The following CACNA1C variants were observed in gnomAD, a reference collection of about 807,000 sequenced individuals.
CACNA1C encodes the protein calcium voltage-gated channel subunit alpha1 C.
A neutral mutation model predicts 229.0 loss-of-function variants in CACNA1C; 30 were observed. The observed-to-expected ratio is 0.13, with a 90% CI of 0.10 to 0.18. The LOEUF (loss-of-function observed/expected upper bound fraction) is 0.18. Ranked by LOEUF, CACNA1C falls within the 10% of genes least tolerant of loss-of-function variation. The pLI is 1.00. For missense variants in CACNA1C, 1,658 were observed against 2,845.0 expected (o/e 0.58, Z 9.49); for synonymous variants, 1,114 against 1,132.5 (o/e 0.98, Z 0.33).
At chr12:2,514,922 A>G (rs1298221703) in intron 9 of CACNA1C, among the ~76,000 whole-genome samples, 2 of 152,242 alleles carry the variant, frequency 1.3e-5, no homozygotes, top group South Asian at 4.1e-4. Flanking sequence ...GACAAGGCCC[A>G]TCTACCCAAA....
At chr12:1,995,706 T>C (rs1310750015) in intron 1 of CACNA1C, among the ~76,000 whole-genome samples, 1 of 152,260 alleles carries the variant, frequency 6.6e-6, no homozygotes, top group Non-Finnish European at 1.5e-5. Context: ...CTCTGTGCTG[T>C]TCTAGTCCTG....
intron 3 of CACNA1C, among the ~76,000 whole-genome samples, chr12:2,148,369 G>C (rs751478293): frequency 2.0e-5 from 3 of 151,370 alleles, no homozygotes; most frequent in Non-Finnish European, 4.4e-5. Context: ...ATGGCTCAAA[G>C]ATTGCAGATG....
intron 3 of CACNA1C, among the ~76,000 whole-genome samples, chr12:2,350,402 C>T (rs964417943): frequency 2.0e-5 from 3 of 149,922 alleles, no homozygotes; most frequent in African/African-American, 7.3e-5. Context: ...AGGTAGTAAA[C>T]AGTCATATAA....
In CACNA1C at chr12:2,599,565, C is replaced by T. The variant is rs151156434; in HGVS notation, c.2853+2276C>T. Among the ~76,000 whole-genome samples, 349 of 152,244 alleles carry T rather than the reference C, an allele frequency of 2.3e-3. 6 individuals are homozygous for T. Among genetic ancestry groups the T allele is most frequent in the East Asian group, 0.022 (112 of 5,174 alleles). On this transcript the variant is annotated intron_variant, in intron 21 of 46. Transcript: ENST00000399655. ...GCTGCCTGGAGAGGCAGGGATGGCC[C>T]GTGGTTGAACAGAGAGCTTTCCTAC...
chr12:2,069,775 T>C (rs2154522873), intron 1 of CACNA1C, among the ~76,000 whole-genome samples: 1 of 152,334 alleles, frequency 6.6e-6, no homozygotes, highest in South Asian at 2.1e-4. Flanking sequence ...TACTATTGGC[T>C]GCATTGGGAC....
chr12:2,482,486 A>G (rs1430602668), intron 5 of CACNA1C, among the ~76,000 whole-genome samples: 1 of 152,202 alleles, frequency 6.6e-6, no homozygotes, highest in Non-Finnish European at 1.5e-5. Flanking sequence ...CATCAGAAAC[A>G]TATGGTTACA....
chr12:2,297,381 G>A (rs965093419), intron 3 of CACNA1C, among the ~76,000 whole-genome samples: 8 of 152,238 alleles, frequency 5.3e-5, no homozygotes, highest in African/African-American at 1.9e-4. Flanking sequence ...ACCATTGGCA[G>A]TATCAAAGGG....
rs2095326117 is a variant in CACNA1C at position 2,654,840 on chromosome 12, G to A, written c.4141-307G>A. 1.3e-5 allele frequency among the ~76,000 whole-genome samples: 2 copies of A among 152,192 alleles called. No individual in the cohort carries two copies. Among genetic ancestry groups the A allele is most frequent in the Admixed American group, 6.5e-5 (1 of 15,288 alleles). ...CAAAGAAAATAACGCAGTGCGTCCTGTGTCCTGTCAGAAGCAGGATCCCGG... is the reference window on the plus strand; with the variant it reads ...CAAAGAAAATAACGCAGTGCGTCCTATGTCCTGTCAGAAGCAGGATCCCGG... On this transcript the variant is annotated intron_variant, in intron 33 of 46. Transcript: ENST00000399655. This position sits in a 1 kb window ranked among gnomAD's most constrained non-coding sequence, Gnocchi z 4.4.
intron 3 of CACNA1C, among the ~76,000 whole-genome samples, chr12:2,222,694 G>A (rs1446676261): frequency 6.6e-6 from 1 of 152,180 alleles, no homozygotes; most frequent in Non-Finnish European, 1.5e-5. Context: ...GCTCACGTCT[G>A]ATCCCAAGCC....
intron 13 of CACNA1C, 124 bp downstream of exon 13, chr12:2,567,918 T>C (rs1009541627): frequency 3.3e-6 from 2 of 606,306 alleles, no homozygotes; most frequent in Non-Finnish European, 5.9e-6. Flanking sequence ...TCTCTGAAGT[T>C]CACATGCAAT....
intron 42 of CACNA1C, chr12:2,681,980 G>A (rs1212486637): frequency 6.2e-7 from 1 of 1,610,798 alleles, no homozygotes; most frequent in Admixed American, 1.7e-5. Flanking sequence ...GTGAGGATCT[G>A]GAGCTCAGGA....
chr12:2,656,191 A>C (rs1368050490), intron 34 of CACNA1C, among the ~76,000 whole-genome samples: 1 of 152,244 alleles, frequency 6.6e-6, no homozygotes, highest in Non-Finnish European at 1.5e-5. Flanking sequence ...TATATAGAAA[A>C]TCCTAAAGAC....
intron 3 of CACNA1C, among the ~76,000 whole-genome samples, chr12:2,401,037 A>C (rs2154550997): frequency 6.6e-6 from 1 of 152,080 alleles, no homozygotes; most frequent in African/African-American, 2.4e-5. Context: ...CTCGGCCTAG[A>C]AGCCCCCCAA....
Position 2,479,400 on chromosome 12 carries a change from G to A in CACNA1C, c.758-6704G>A, listed in dbSNP as rs527794885. 7.2e-5 allele frequency among the ~76,000 whole-genome samples: 11 copies of A among 152,140 alleles called. No individual in the cohort carries two copies. The highest frequency in any genetic ancestry group is 1.3e-4 in the Non-Finnish European group (9 of 68,040). ...CTGGCCTTGAACACCTGTCTTAAGAGAAATCTATTTCTTTCAGATGACATC... is the reference window on the plus strand; with the variant it reads ...CTGGCCTTGAACACCTGTCTTAAGAAAAATCTATTTCTTTCAGATGACATC... On this transcript the variant is annotated intron_variant, in intron 5 of 46. Transcript: ENST00000399655. The surrounding 1 kb of genome is among the most constrained non-coding windows in gnomAD (Gnocchi z 4.3).
chr12:2,358,615 GAGAA>G (rs2097458855), intron 3 of CACNA1C, among the ~76,000 whole-genome samples: 1 of 152,146 alleles, frequency 6.6e-6, no homozygotes, highest in South Asian at 2.1e-4. Flanking sequence ...TGAAAGAAAG[GAGAA>G]GTGCTAAATG....
chr12:2,235,618 C>T (rs911771063), intron 3 of CACNA1C, among the ~76,000 whole-genome samples: 15 of 152,126 alleles, frequency 9.9e-5, no homozygotes, highest in Non-Finnish European at 2.2e-4. Context: ...TGGGTGATGC[C>T]GGTTTACCCA....
chr12:2,505,040 G>A (rs1213963146), intron 8 of CACNA1C, 95 bp downstream of exon 8: 2 of 729,922 alleles, frequency 2.7e-6, no homozygotes, highest in Non-Finnish European at 2.4e-6. Context: ...TGGCTCTGAT[G>A]AACCTGGGAT....
At chr12:2,148,680 T>A (rs2094948823) in intron 3 of CACNA1C, among the ~76,000 whole-genome samples, 1 of 151,228 alleles carries the variant, frequency 6.6e-6, no homozygotes. Context: ...CCTGAGTATC[T>A]GGGACTACAA....
intron 1 of CACNA1C, among the ~76,000 whole-genome samples, chr12:1,999,618 C>A (rs934627324): frequency 1.3e-5 from 2 of 152,044 alleles, no homozygotes; most frequent in African/African-American, 4.8e-5. Flanking sequence ...CTCAGCTACT[C>A]AGGAGGCTGA....
Sources: gnomAD v4.1 joint callset for allele counts (sites outside exome capture counted in the v4.1 genomes callset) on GRCh38, gnomAD v4.1.1 for gene constraint, Gnocchi (gnomAD v3.1) non-coding constraint, MANE v1.5 for transcripts, NCBI Gene and HGNC (gene_info 2026-07-23, HGNC 2026-07-21) for gene names.